The following LHFPL3 variants were observed in gnomAD, a reference collection of about 807,000 sequenced individuals.
LHFPL3 encodes LHFPL tetraspan subfamily member 3 protein.
Under a neutral mutation model 19.3 loss-of-function variants are expected in LHFPL3, and 5 were observed. The observed-to-expected ratio is 0.26, with a 90% CI of 0.14 to 0.54. LHFPL3 has a LOEUF of 0.54. Among genes scored for constraint, LHFPL3 ranks in the 20% least tolerant of loss-of-function variants. The pLI is 0.94. For synonymous variants in LHFPL3, 133 were observed against 126.2 expected (o/e 1.05, Z -0.36); for missense variants, 249 against 307.4 (o/e 0.81, Z 1.42).
intron 1 of LHFPL3, among the ~76,000 whole-genome samples, chr7:104,518,511 C>G (rs992527958): frequency 6.8e-6 from 1 of 146,234 alleles, no homozygotes; most frequent in Non-Finnish European, 1.5e-5. Context: ...AATTCTACTA[C>G]TGGACACATT....
chr7:104,853,636 A>T (rs1448088001), intron 2 of LHFPL3, among the ~76,000 whole-genome samples: 1 of 152,230 alleles, frequency 6.6e-6, no homozygotes, highest in Non-Finnish European at 1.5e-5. Flanking sequence ...ATGACATTTA[A>T]AAGTATATAT....
At position 104,907,761 on chromosome 7, in the gene LHFPL3, C is replaced by G. The variant is rs536696399; in HGVS notation, c.*1546C>G. ...ACAAGAAGTGATACAGATCAGGGTT[C>G]ACTTCTCTTACCCTCTCTCTGTTAG... On this transcript the variant is annotated 3_prime_UTR_variant, in exon 3 of 3. Coordinates refer to ENST00000424859, the MANE Select transcript of LHFPL3 (RefSeq NM_199000.3). Among the ~76,000 whole-genome samples, 2 of 152,278 alleles carry G rather than the reference C, an allele frequency of 1.3e-5. No individual in the cohort carries two copies. The highest frequency in any genetic ancestry group is 4.1e-4 in the South Asian group (2 of 4,828).
chr7:104,836,667 C>T (rs1157676405), intron 2 of LHFPL3, among the ~76,000 whole-genome samples: 2 of 152,182 alleles, frequency 1.3e-5, no homozygotes, highest in Admixed American at 6.5e-5. Context: ...TACATTCTGG[C>T]ACTCTGTTTT....
intron 2 of LHFPL3, among the ~76,000 whole-genome samples, chr7:104,876,632 G>A (rs1195909176): frequency 6.6e-6 from 1 of 151,822 alleles, no homozygotes; most frequent in African/African-American, 2.4e-5. Flanking sequence ...AACAACAGGT[G>A]CTGGAGAGGA....
chr7:104,441,026 G>A (rs1792215328), intron 1 of LHFPL3, among the ~76,000 whole-genome samples: 1 of 152,016 alleles, frequency 6.6e-6, no homozygotes, highest in Admixed American at 6.5e-5. Context: ...CTTTCTGTGT[G>A]TGTGAGTGTG....
chr7:104,836,952 C>T (rs745664026), intron 2 of LHFPL3, among the ~76,000 whole-genome samples: 10 of 152,158 alleles, frequency 6.6e-5, no homozygotes, highest in African/African-American at 1.4e-4. Flanking sequence ...GATAATCCCA[C>T]GGCCAGATAA....
At chr7:104,437,690 G>A (rs1340437081) in intron 1 of LHFPL3, among the ~76,000 whole-genome samples, 2 of 152,218 alleles carry the variant, frequency 1.3e-5, no homozygotes, top group East Asian at 3.9e-4. Flanking sequence ...CCCATTTATT[G>A]TAAAAGCATA....
At chr7:104,771,369 G>T (rs985847620) in intron 2 of LHFPL3, among the ~76,000 whole-genome samples, 2 of 152,152 alleles carry the variant, frequency 1.3e-5, no homozygotes, top group Non-Finnish European at 2.9e-5. Flanking sequence ...GTAGGCAAGG[G>T]AACAAGGGGA....
intron 1 of LHFPL3, among the ~76,000 whole-genome samples, chr7:104,591,134 G>A (rs1488511978): frequency 1.3e-5 from 2 of 152,158 alleles, no homozygotes; most frequent in African/African-American, 2.4e-5. Context: ...ATATTATTAT[G>A]TGTGAATTTG....
At chr7:104,570,028 C>T (rs75462543) in intron 1 of LHFPL3, among the ~76,000 whole-genome samples, 5,972 of 152,204 alleles carry the variant, frequency 0.039, 356 homozygotes, top group African/African-American at 0.14. Context: ...GAGTCTTATG[C>T]GAAAATGCTA....
rs902644630 is a variant in LHFPL3, at chr7:104,398,808, G to A, written c.445+69584G>A. ...TTCTGTTCTTCGCTGGCAGATTTCT[G>A]TTGTCACCTCCTTCTGGAAATGTTT... On this transcript the variant is annotated intron_variant, in intron 1 of 2. Coordinates refer to ENST00000424859, the MANE Select transcript of LHFPL3 (RefSeq NM_199000.3). Among the ~76,000 whole-genome samples the A allele has an allele frequency of 1.3e-4, 19 of 151,024 alleles. No homozygotes were observed. The East Asian group carries it at 2.9e-3, about 23-fold the overall frequency.
chr7:104,577,482 A>G (rs1044121759), intron 1 of LHFPL3, among the ~76,000 whole-genome samples: 5 of 152,212 alleles, frequency 3.3e-5, no homozygotes, highest in African/African-American at 9.7e-5. Flanking sequence ...ATATATACAC[A>G]TACCTATATA....
chr7:104,445,096 A>G (rs1792305755), intron 1 of LHFPL3, among the ~76,000 whole-genome samples: 1 of 151,660 alleles, frequency 6.6e-6, no homozygotes, highest in Non-Finnish European at 1.5e-5. Context: ...GTTTTTTGTT[A>G]GTTTGCTGGT....
chr7:104,409,956 G>C lies in LHFPL3; in HGVS notation c.445+80732G>C, dbSNP rs138159886. Among the ~76,000 whole-genome samples, 43 of 152,124 alleles carry C rather than the reference G, an allele frequency of 2.8e-4. No homozygotes were observed. In the East Asian group the frequency reaches 8.3e-3, roughly 30 times the overall value. ...TGCACGAGATTGTTACCCAGATGCT[G>C]TATCAATCGTGGTATCCATTTTCTT... On this transcript the variant is annotated intron_variant, in intron 1 of 2. Coordinates refer to ENST00000424859, the MANE Select transcript of LHFPL3 (RefSeq NM_199000.3).
intron 2 of LHFPL3, among the ~76,000 whole-genome samples, chr7:104,762,028 T>C (rs931286191): frequency 6.6e-6 from 1 of 152,190 alleles, no homozygotes. Context: ...CAGGATCTTG[T>C]TAAAATGCAG....
At chr7:104,398,322 C>A (rs1791235560) in intron 1 of LHFPL3, among the ~76,000 whole-genome samples, 1 of 152,170 alleles carries the variant, frequency 6.6e-6, no homozygotes, top group Admixed American at 6.5e-5. Context: ...GGCCTCCATC[C>A]CTGTTTTCAA....
At position 104,710,538 on chromosome 7, in the gene LHFPL3, T is replaced by C. The variant is rs112833098; in HGVS notation, c.446-26137T>C. 5.3e-5 allele frequency among the ~76,000 whole-genome samples: 8 copies of C among 152,288 alleles called. 1 individual carries two copies. The highest frequency in any genetic ancestry group is 1.9e-4 in the African/African-American group (8 of 41,560). On this transcript the variant is annotated intron_variant, in intron 1 of 2. Coordinates refer to ENST00000424859, the MANE Select transcript of LHFPL3 (RefSeq NM_199000.3). The stretch of plus-strand genomic sequence containing the variant: ...TGTAAAAAATTAAACTCTGTAATTG[T>C]ATAATGGTTAAGAGGTAAAACAGCC...
intron 1 of LHFPL3, among the ~76,000 whole-genome samples, chr7:104,577,489 T>A (rs111551505): frequency 6.6e-6 from 1 of 152,178 alleles, no homozygotes; most frequent in Admixed American, 6.6e-5. Flanking sequence ...CACATACCTA[T>A]ATATATGTGT....
chr7:104,525,824 C>T (rs1794177775), intron 1 of LHFPL3, among the ~76,000 whole-genome samples: 1 of 152,076 alleles, frequency 6.6e-6, no homozygotes, highest in Admixed American at 6.6e-5. Context: ...CCAGGCTGAT[C>T]TCGAACTCCT....
Sources: gnomAD v4.1 joint callset for allele counts (sites outside exome capture counted in the v4.1 genomes callset) on GRCh38, gnomAD v4.1.1 for gene constraint, MANE v1.5 for transcripts, NCBI Gene and HGNC (gene_info 2026-07-23, HGNC 2026-07-21) for gene names.